R3HDM1: variants seen among roughly 807,000 people sequenced by gnomAD.
The protein encoded by R3HDM1 is R3H domain containing 1, also known as R3H domain-containing protein 1.
R3HDM1 carries 46 observed loss-of-function variants against 141.1 expected under a neutral mutation model. The ratio of observed to expected loss-of-function variants is 0.33; its 90% confidence interval spans 0.26 to 0.42. The LOEUF is 0.42. Among genes scored for constraint, R3HDM1 ranks in the 10% least tolerant of loss-of-function variants. The pLI, the probability that R3HDM1 is intolerant of heterozygous loss-of-function variation, is 1.00. For missense variants in R3HDM1, 1,184 were observed against 1,368.3 expected (o/e 0.87, Z 2.12); for synonymous variants, 435 against 472.9 (o/e 0.92, Z 1.04).
At chr2:135,665,284 G>A (rs1257578252) in intron 19 of R3HDM1, 2 of 385,102 alleles carry the variant, frequency 5.2e-6, no homozygotes, top group East Asian at 1.2e-4. Flanking sequence ...GAAGATTTTA[G>A]GTTTACAAAG....
At chr2:135,649,266 C>G (rs1235694876) in intron 16 of R3HDM1, 3 of 151,980 alleles carry the variant, frequency 2.0e-5, no homozygotes, top group African/African-American at 7.3e-5. Flanking sequence ...GGGGTTTCAC[C>G]ATGTTAGCCA....
At chr2:135,660,979 A>G (rs543510481) in intron 18 of R3HDM1, among the ~76,000 whole-genome samples, 2 of 152,254 alleles carry the variant, frequency 1.3e-5, no homozygotes, top group East Asian at 3.9e-4. Context: ...GAGTAAAGGA[A>G]ATAGGGTGAG....
In R3HDM1 at chr2:135,644,651, T is replaced by C. The variant is rs116857206; in HGVS notation, c.1475-728T>C. 3.8e-3 allele frequency among the ~76,000 whole-genome samples: 585 copies of C among 152,298 alleles called. 16 individuals carry two copies. The highest frequency in any genetic ancestry group is 0.034 in the East Asian group (175 of 5,188). ...GTAATGTGGCCTAAAAATTAGATAT[T>C]TCCTACCTCCTAATAAAAACTAATG... On this transcript the variant is annotated intron_variant, in intron 15 of 26. Coordinates refer to ENST00000683871, the MANE Select transcript of R3HDM1 (RefSeq NM_001378107.1).
intron 19 of R3HDM1, chr2:135,667,561 A>G: frequency 1.2e-6 from 1 of 806,168 alleles, no homozygotes; most frequent in Non-Finnish European, 1.5e-6. Context: ...ATTCAGATGT[A>G]TCACAGGAAG....
chr2:135,651,860 T>C lies in R3HDM1; in HGVS notation c.1856T>C (p.Ile619Thr). Residue 619 changes from isoleucine (I) to threonine (T), a missense_variant, in exon 18 of 27, where the codon ATC (isoleucine) becomes ACC (threonine). Ile to Thr is a moderately conservative substitution (Grantham distance 89). Coordinates refer to ENST00000683871, the MANE Select transcript of R3HDM1 (RefSeq NM_001378107.1). ...CAGTCTCCACAGCAGTCTGGTTATA[T>C]CATGACAGCAGCCCCTCCACCACAT... Reference protein sequence around the residue: ...VLQSPQQSGYIMTAAPPPHPP... With the variant: ...VLQSPQQSGYTMTAAPPPHPP... The C allele has an allele frequency of 1.2e-6, 2 of 1,614,070 alleles. No homozygotes were observed. Among genetic ancestry groups the C allele is most frequent in the South Asian group, 1.1e-5 (1 of 91,070 alleles).
chr2:135,603,438 A>G (rs1377250045), intron 2 of R3HDM1, among the ~76,000 whole-genome samples: 1 of 152,222 alleles, frequency 6.6e-6, no homozygotes, highest in Non-Finnish European at 1.5e-5. Flanking sequence ...AAGTTGAAAG[A>G]ATTTTACAGT....
intron 7 of R3HDM1, among the ~76,000 whole-genome samples, chr2:135,623,367 C>G (rs569132383): frequency 6.6e-6 from 1 of 152,156 alleles, no homozygotes; most frequent in South Asian, 2.1e-4. Context: ...TGTTAGCTTT[C>G]CAGAGTAGTA....
Position 135,616,149 on chromosome 2 carries a change from C to A in R3HDM1, c.172-3C>A. On this transcript the variant is annotated splice_region_variant and splice_polypyrimidine_tract_variant and intron_variant, in intron 3 of 26. Coordinates refer to ENST00000683871, the MANE Select transcript of R3HDM1 (RefSeq NM_001378107.1). ...TTAATACAAATCTTTCTTGTATATTCAGCGGCCATTGCAGTCATTTGGACA... is the reference window on the plus strand; with the variant it reads ...TTAATACAAATCTTTCTTGTATATTAAGCGGCCATTGCAGTCATTTGGACA... 1 of 1,612,214 alleles carries A rather than the reference C, an allele frequency of 6.2e-7. No homozygotes were observed. Among genetic ancestry groups the A allele is most frequent in the Non-Finnish European group, 8.5e-7 (1 of 1,178,342 alleles).
Position 135,680,213 on chromosome 2 carries a change from C to T in R3HDM1, c.2348C>T (p.Thr783Ile), listed in dbSNP as rs2070014270. 1.9e-6 allele frequency: 3 copies of T among 1,613,844 alleles called. No individual in the cohort carries two copies. In the East Asian group the frequency reaches 6.7e-5, roughly 36 times the overall value. The change falls in exon 21 of 27, where the codon ACT becomes ATT. Residue 783 changes from threonine to isoleucine, a missense_variant. By Grantham distance (89) the Thr-to-Ile change is moderately conservative. This residue lies in a region of R3HDM1 where 563 missense variants were observed against 562.0 expected (regional missense o/e 1.00). Coordinates refer to ENST00000683871, the MANE Select transcript of R3HDM1 (RefSeq NM_001378107.1). ...PQGSQGIPHQ[T>I]YQQPVMFPNQ... ...GGTTCTCAAGGAATTCCCCATCAGA[C>T]TTATCAACAGCCTGTTATGTTCCCT...
intron 14 of R3HDM1, among the ~76,000 whole-genome samples, chr2:135,640,098 CAA>C (rs909774063): frequency 2.3e-4 from 16 of 69,820 alleles, no homozygotes; most frequent in Admixed American, 1.6e-4. Context: ...GACTCCGTCT[CAA>C]AAAAAAAAAA....
chr2:135,631,796 C>G lies in R3HDM1; in HGVS notation c.557+19C>G. The G allele has an allele frequency of 1.9e-6, 3 of 1,564,288 alleles. No individual in the cohort carries two copies. Among genetic ancestry groups the G allele is most frequent in the Non-Finnish European group, 2.6e-6 (3 of 1,157,142 alleles). ...ATAATGAGTAAGTCCTGACATTCAA[C>G]AAGAAAAGAAATTGTCATCACCATT... On this transcript the variant is annotated intron_variant, in intron 8 of 26. Transcript: ENST00000683871.
intron 1 of R3HDM1, among the ~76,000 whole-genome samples, chr2:135,585,229 C>T (rs1293881953): frequency 4.6e-5 from 7 of 152,068 alleles, no homozygotes; most frequent in East Asian, 1.9e-4. Context: ...CTTCTAGGGC[C>T]GAGTCTATTT....
chr2:135,707,037 CGGCTGGCTGGGCGGGG>C (rs1452319123), intron 21 of R3HDM1, among the ~76,000 whole-genome samples: 2 of 151,772 alleles, frequency 1.3e-5, no homozygotes, highest in East Asian at 1.9e-4. Flanking sequence ...CTGGACGGGG[CGGCTGGCTGGGCGGGG>C]GGCTGGCCCA....
intron 1 of R3HDM1, among the ~76,000 whole-genome samples, chr2:135,594,978 C>CA (rs1553550339): frequency 6.0e-5 from 5 of 83,668 alleles, no homozygotes; most frequent in African/African-American, 4.0e-4. Flanking sequence ...GGATTCTACA[C>CA]CCCCCCCCCT....
At chr2:135,673,042 G>T (rs756477978) in intron 19 of R3HDM1, among the ~76,000 whole-genome samples, 1 of 152,198 alleles carries the variant, frequency 6.6e-6, no homozygotes, top group Non-Finnish European at 1.5e-5. Flanking sequence ...AGTAGGTGGT[G>T]GTTGCAGTGA....
chr2:135,617,890 A>AT (rs1480713381), intron 5 of R3HDM1, among the ~76,000 whole-genome samples: 2 of 152,194 alleles, frequency 1.3e-5, no homozygotes, highest in Admixed American at 6.5e-5. Context: ...CATCTTTTTT[A>AT]TAAAGTAAAT....
At chr2:135,596,997 T>C (rs2059248693) in intron 1 of R3HDM1, 1 of 980,910 alleles carries the variant, frequency 1.0e-6, no homozygotes, top group Non-Finnish European at 1.2e-6. Context: ...TGGATCACAA[T>C]GTATGAGAGG....
rs531841317 is a variant in R3HDM1, at chr2:135,618,927, G to C, written c.303+2170G>C. ...CCCAGCTACTTCGGAGGCTGGGGCA[G>C]GAGAATCGCTTGAACCCAGGAGGCA... On this transcript the variant is annotated intron_variant, in intron 5 of 26. Coordinates refer to ENST00000683871, the MANE Select transcript of R3HDM1 (RefSeq NM_001378107.1). Among the ~76,000 whole-genome samples the C allele has an allele frequency of 2.0e-5, 3 of 152,064 alleles. No homozygotes were observed. In the East Asian group the frequency reaches 5.8e-4, roughly 29 times the overall value.
intron 23 of R3HDM1, among the ~76,000 whole-genome samples, 157 bp from the exon 24 acceptor site, chr2:135,715,393 A>G (rs1417559682): frequency 6.6e-6 from 1 of 152,094 alleles, no homozygotes; most frequent in African/African-American, 2.4e-5. Flanking sequence ...AAAAAAAGAA[A>G]CCATCTGTTA....
Sources: gnomAD v4.1 joint callset for allele counts (sites outside exome capture counted in the v4.1 genomes callset) on GRCh38, gnomAD v4.1.1 for gene constraint, gnomAD v4.1.1 regional missense constraint, MANE v1.5 for transcripts, NCBI Gene and HGNC (gene_info 2026-07-23, HGNC 2026-07-21) for gene names.